Variants in ANO3 observed in about 807,000 individuals in gnomAD.
ANO3 encodes the protein anoctamin-3.
Under a neutral mutation model 144.8 loss-of-function variants are expected in ANO3, and 99 were observed. The observed-to-expected ratio is 0.68, with a 90% CI of 0.58 to 0.81. The LOEUF (loss-of-function observed/expected upper bound fraction) is 0.81. ANO3 is among the 30% of genes least tolerant of loss of function. The pLI is 0.00. For missense variants in ANO3, 905 were observed against 1,202.2 expected, an observed-to-expected ratio of 0.75 and a Z score of 3.66; for synonymous variants, 414 against 392.6, an observed-to-expected ratio of 1.05 and a Z score of -0.64.
rs761259253 is a variant in ANO3 at position 26,312,307 on chromosome 11, G to A, written c.-3+2588G>A. Among the ~76,000 whole-genome samples the A allele has an allele frequency of 6.6e-5, 10 of 152,176 alleles. 1 individual carries two copies. Among genetic ancestry groups the A allele is most frequent in the East Asian group, 5.8e-4 (3 of 5,194 alleles). ...GTGAATAGTGCTGAAATAAACATGC[G>A]TTTGCATGTGTCTTTATAGCAGCAT... is the stretch of plus-strand genomic sequence containing the variant. On this transcript the variant is annotated intron_variant, in intron 1 of 26. Transcript: ENST00000525139.
At chr11:26,547,094 C>T (rs965638408) in intron 11 of ANO3, among the ~76,000 whole-genome samples, 3 of 151,524 alleles carry the variant, frequency 2.0e-5, no homozygotes, top group African/African-American at 7.3e-5. Context: ...TGGTTTAGAG[C>T]AGCTCTGTGA....
chr11:26,410,090 G>A (rs1857391458), intron 1 of ANO3, among the ~76,000 whole-genome samples: 2 of 151,858 alleles, frequency 1.3e-5, no homozygotes, highest in African/African-American at 4.8e-5. Flanking sequence ...AGCTGAAGAG[G>A]TAGTATTCAG....
chr11:26,656,593 G>A, intron 26 of ANO3, 112 bp downstream of exon 26: 1 of 712,850 alleles, frequency 1.4e-6, no homozygotes, highest in Non-Finnish European at 2.4e-6. Context: ...ACTTAAGTAG[G>A]TCCCGTAAAA....
chr11:26,570,030 A>G (rs988368620), intron 14 of ANO3, among the ~76,000 whole-genome samples: 2 of 152,282 alleles, frequency 1.3e-5, no homozygotes, highest in Admixed American at 1.3e-4. Context: ...AAAACCTTCT[A>G]AAGGTAGAAT....
At chr11:26,409,303 T>A (rs574255834) in intron 1 of ANO3, among the ~76,000 whole-genome samples, 1 of 152,008 alleles carries the variant, frequency 6.6e-6, no homozygotes, top group South Asian at 2.1e-4. Flanking sequence ...ACACTATATC[T>A]GGCACATAGT....
chr11:26,286,639 T>C (rs1853813454), intron 1 of ANO3, among the ~76,000 whole-genome samples: 1 of 152,146 alleles, frequency 6.6e-6, no homozygotes, highest in South Asian at 2.1e-4. Flanking sequence ...AAAGCCTGAG[T>C]GTCTGCATCT....
intron 3 of ANO3, among the ~76,000 whole-genome samples, chr11:26,451,956 T>G (rs1285804372): frequency 1.3e-5 from 2 of 152,168 alleles, no homozygotes; most frequent in Non-Finnish European, 2.9e-5. Flanking sequence ...CAGACACCGC[T>G]GCTGATACCC....
At chr11:26,203,502 C>G (rs1333656358) in intron 1 of ANO3, among the ~76,000 whole-genome samples, 1 of 151,988 alleles carries the variant, frequency 6.6e-6, no homozygotes, top group Non-Finnish European at 1.5e-5. Context: ...CTGAATTACA[C>G]AAAGATCAAT....
chr11:26,507,393 G>A (rs574855220), intron 4 of ANO3, among the ~76,000 whole-genome samples: 1 of 152,312 alleles, frequency 6.6e-6, no homozygotes, highest in East Asian at 1.9e-4. Context: ...TAGGTTGGTG[G>A]ATACAACAGA....
chr11:26,252,224 GACTT>G (rs1164579072), intron 1 of ANO3, among the ~76,000 whole-genome samples: 1 of 152,142 alleles, frequency 6.6e-6, no homozygotes, highest in Non-Finnish European at 1.5e-5. Flanking sequence ...TTTTGTAACT[GACTT>G]AGTCTGATTC....
At chr11:26,589,589 T>A (rs974915861) in intron 14 of ANO3, among the ~76,000 whole-genome samples, 7 of 152,072 alleles carry the variant, frequency 4.6e-5, no homozygotes, top group Non-Finnish European at 8.8e-5. Context: ...TAACAGTCAC[T>A]CCCTATTTTC....
chr11:26,246,338 T>G, intron 1 of ANO3, among the ~76,000 whole-genome samples: 1 of 151,908 alleles, frequency 6.6e-6, no homozygotes, highest in African/African-American at 2.4e-5. Flanking sequence ...TAGTATTTTG[T>G]ACTCCAATCA....
intron 14 of ANO3, among the ~76,000 whole-genome samples, chr11:26,593,946 G>A (rs557153666): frequency 1.3e-5 from 2 of 152,072 alleles, no homozygotes; most frequent in Non-Finnish European, 2.9e-5. Context: ...TCTAAGTTTT[G>A]CTCGGGGCCT....
intron 1 of ANO3, among the ~76,000 whole-genome samples, chr11:26,323,497 G>A (rs1854809957): frequency 6.6e-6 from 1 of 152,006 alleles, no homozygotes; most frequent in Non-Finnish European, 1.5e-5. Context: ...GGTTTTGAAT[G>A]GGAAGGAGCA....
At chr11:26,385,033 A>G (rs1405272025) in intron 1 of ANO3, among the ~76,000 whole-genome samples, 3 of 152,156 alleles carry the variant, frequency 2.0e-5, no homozygotes, top group Non-Finnish European at 4.4e-5. Context: ...GCTTGGCTAA[A>G]TCCTATCTGT....
At chr11:26,466,608 C>T (rs930547079) in intron 4 of ANO3, among the ~76,000 whole-genome samples, 2 of 151,940 alleles carry the variant, frequency 1.3e-5, no homozygotes, top group Admixed American at 6.6e-5. Flanking sequence ...ACCAGAGGCT[C>T]ATAAGCACAG....
intron 1 of ANO3, among the ~76,000 whole-genome samples, chr11:26,422,029 C>A (rs1272891317): frequency 1.3e-5 from 2 of 151,922 alleles, no homozygotes; most frequent in East Asian, 3.9e-4. Context: ...ATGAAGTAAT[C>A]TCTGCAACAA....
chr11:26,191,905 T>G (rs959298244), intron 1 of ANO3, among the ~76,000 whole-genome samples: 1 of 152,180 alleles, frequency 6.6e-6, no homozygotes, highest in Non-Finnish European at 1.5e-5. Flanking sequence ...CTATATAGTA[T>G]GCCAATGACT....
chr11:26,531,980 A>G (rs1019991647), intron 8 of ANO3, among the ~76,000 whole-genome samples: 4 of 152,208 alleles, frequency 2.6e-5, no homozygotes, highest in Non-Finnish European at 4.4e-5. Flanking sequence ...GGCAGACAAA[A>G]ATGTAAATTT....
Sources: allele counts gnomAD v4.1 joint callset (sites outside exome capture counted in the v4.1 genomes callset), GRCh38; gene constraint gnomAD v4.1.1; transcripts MANE v1.5; gene names NCBI Gene and HGNC (gene_info 2026-07-23, HGNC 2026-07-21).